The following FMN1 variants were observed in gnomAD, a reference collection of about 807,000 sequenced individuals.
FMN1 encodes the protein formin 1, also known as formin-1.
A neutral mutation model predicts 132.4 loss-of-function variants in FMN1; 110 were observed. The ratio of observed to expected loss-of-function variants is 0.83; its 90% CI spans 0.71 to 0.97. The LOEUF (loss-of-function observed/expected upper bound fraction) is 0.97, where lower values mean the gene tolerates loss of function less well. Among genes scored for constraint, FMN1 ranks in the 50% least tolerant of loss-of-function variants. The pLI, the probability that FMN1 is intolerant of heterozygous loss-of-function variation, is 0.00. For missense variants in FMN1, 1,792 were observed against 1,705.3 expected, an observed-to-expected ratio of 1.05 and a Z score of -0.90; for synonymous variants, 722 against 651.7, an observed-to-expected ratio of 1.11 and a Z score of -1.64.
intron 17 of FMN1, among the ~76,000 whole-genome samples, chr15:32,822,250 G>C (rs1457423454): frequency 6.6e-6 from 1 of 152,190 alleles, no homozygotes. Context: ...TCAGGAAGCT[G>C]AGGCAGGAGA....
intron 4 of FMN1, among the ~76,000 whole-genome samples, chr15:33,107,089 CTAAT>C (rs1421898827): frequency 2.6e-5 from 4 of 151,956 alleles, no homozygotes. Context: ...TCTTTCCCAC[CTAAT>C]TAAATAGCTC....
chr15:33,169,824 T>C (rs1438663684), intron 3 of FMN1, among the ~76,000 whole-genome samples: 1 of 146,460 alleles, frequency 6.8e-6, no homozygotes, highest in East Asian at 2.0e-4. Context: ...GTGAACCAGA[T>C]GAGGCCACTA....
At chr15:32,955,830 TGCGC>T (rs1438907097) in intron 9 of FMN1, among the ~76,000 whole-genome samples, 3 of 151,820 alleles carry the variant, frequency 2.0e-5, no homozygotes, top group East Asian at 1.9e-4. Flanking sequence ...TGTGTGTGCG[TGCGC>T]GCACGTGTCT....
At chr15:32,995,611 C>T (rs1056090775) in intron 7 of FMN1, among the ~76,000 whole-genome samples, 1 of 152,168 alleles carries the variant, frequency 6.6e-6, no homozygotes, top group African/African-American at 2.4e-5. Context: ...ACCATCATTA[C>T]TAAATGATGT....
At chr15:32,994,028 C>T (rs1453443932) in intron 7 of FMN1, among the ~76,000 whole-genome samples, 1 of 152,058 alleles carries the variant, frequency 6.6e-6, no homozygotes, top group Non-Finnish European at 1.5e-5. Context: ...AAAAGATGTA[C>T]AAGACCCTTC....
chr15:32,912,767 T>C (rs1239900869), intron 10 of FMN1, among the ~76,000 whole-genome samples: 1 of 152,076 alleles, frequency 6.6e-6, no homozygotes, highest in Admixed American at 6.6e-5. Context: ...GTGACTATCA[T>C]GGACAGAGCA....
In FMN1 at chr15:33,121,124, C is replaced by A. The variant is rs1962511134; in HGVS notation, c.1867+31924G>T. Reference sequence around the variant, plus strand: ...GATGTTGTAACAAGAGTATACAATACCCCATCTATGATTTACAGTCTACTT... The same window carrying A: ...GATGTTGTAACAAGAGTATACAATAACCCATCTATGATTTACAGTCTACTT... On this transcript the variant is annotated intron_variant, in intron 4 of 20. Coordinates refer to ENST00000616417, the MANE Select transcript of FMN1 (RefSeq NM_001277313.2). Among the ~76,000 whole-genome samples, 6 of 129,940 alleles carry A rather than the reference C, an allele frequency of 4.6e-5. 1 individual carries two copies. The South Asian group carries it at 1.0e-3, about 23-fold the overall frequency. The allele number at this position is 129,940 out of a possible 152,430, so 85.2% of individuals were successfully genotyped here. A position where few individuals can be genotyped will look rare whatever the true frequency, so the allele number is the denominator to read the frequency against.
chr15:32,979,416 C>T (rs111578539), intron 7 of FMN1, among the ~76,000 whole-genome samples: 3 of 151,910 alleles, frequency 2.0e-5, no homozygotes, highest in African/African-American at 4.8e-5. Context: ...ATTAGCCGGG[C>T]GTGGTGGTGG....
intron 4 of FMN1, among the ~76,000 whole-genome samples, chr15:33,127,042 A>G (rs1332819418): frequency 6.6e-6 from 1 of 150,650 alleles, no homozygotes; most frequent in Admixed American, 6.6e-5. Context: ...GCATGTTGCA[A>G]AAAGACATAT....
chr15:32,948,857 G>A (rs1196695607), intron 9 of FMN1, among the ~76,000 whole-genome samples: 1 of 151,576 alleles, frequency 6.6e-6, no homozygotes, highest in Non-Finnish European at 1.5e-5. Context: ...CTTTTAAAAT[G>A]TATTAGGTTA....
rs533796179 is a variant in FMN1 at position 32,968,270 on chromosome 15, T to C, written c.2987+444A>G. Among the ~76,000 whole-genome samples, 14 of 152,344 alleles carry C rather than the reference T, an allele frequency of 9.2e-5. No individual in the cohort carries two copies. The South Asian group carries it at 2.9e-3, about 32-fold the overall frequency. ...TTTAATAAAAACTGAAGAACACCCA[T>C]TTCTGTTAAATATCTAGATTATAGG... On this transcript the variant is annotated intron_variant, in intron 8 of 20. Transcript: ENST00000616417.
At chr15:32,917,619 C>A (rs977033093) in intron 10 of FMN1, among the ~76,000 whole-genome samples, 1 of 152,208 alleles carries the variant, frequency 6.6e-6, no homozygotes, top group Non-Finnish European at 1.5e-5. Context: ...GAAACTAAGG[C>A]ACAAAGTCAC....
At chr15:32,799,571 G>T (rs554589095) in intron 18 of FMN1, among the ~76,000 whole-genome samples, 1 of 152,292 alleles carries the variant, frequency 6.6e-6, no homozygotes, top group East Asian at 1.9e-4. Flanking sequence ...AACCACTGAT[G>T]TACAAAAACA....
chr15:32,893,658 A>G (rs1253344851), intron 15 of FMN1, among the ~76,000 whole-genome samples: 1 of 152,248 alleles, frequency 6.6e-6, no homozygotes, highest in East Asian at 1.9e-4. Flanking sequence ...AAATCACATA[A>G]TTCTACCCTC....
At chr15:32,884,483 C>A (rs347945) in intron 16 of FMN1, among the ~76,000 whole-genome samples, 4,845 of 152,238 alleles carry the variant, frequency 0.032, 254 homozygotes, top group African/African-American at 0.11. Flanking sequence ...AGATTAGGCC[C>A]ACTTGGACGG....
Position 32,906,762 on chromosome 15 carries a change from C to A in FMN1, c.3377+1728G>T, listed in dbSNP as rs558347272. On this transcript the variant is annotated intron_variant, in intron 12 of 20. Transcript: ENST00000616417. ...ATGACTTGGAAATAAACTATAGGAT[C>A]AGTTGAGGGTAGGGATTGGTAAGGA... Among the ~76,000 whole-genome samples, 6 of 152,254 alleles carry A rather than the reference C, an allele frequency of 3.9e-5. No homozygotes were observed. The South Asian group carries it at 1.2e-3, about 32-fold the overall frequency.
At chr15:33,108,738 C>T (rs924288190) in intron 4 of FMN1, among the ~76,000 whole-genome samples, 1 of 152,092 alleles carries the variant, frequency 6.6e-6, no homozygotes, top group Non-Finnish European at 1.5e-5. Flanking sequence ...ATTTAATTGC[C>T]TTTTCCTTGA....
intron 4 of FMN1, among the ~76,000 whole-genome samples, chr15:33,113,258 G>A (rs566031708): frequency 1.2e-4 from 19 of 152,204 alleles, no homozygotes; most frequent in African/African-American, 4.1e-4. Context: ...TCCTTGACAT[G>A]AATTCAAACA....
chr15:33,165,484 G>C (rs190187814), intron 3 of FMN1, among the ~76,000 whole-genome samples: 2,156 of 152,206 alleles, frequency 0.014, 56 homozygotes, highest in African/African-American at 0.049. Flanking sequence ...TCCGCCTCCC[G>C]GGTTCACGCC....
Sources: gnomAD v4.1 joint callset for allele counts (sites outside exome capture counted in the v4.1 genomes callset) on GRCh38, gnomAD v4.1.1 for gene constraint, MANE v1.5 for transcripts, NCBI Gene and HGNC (gene_info 2026-07-23, HGNC 2026-07-21) for gene names.